RIMS2: variants seen among roughly 807,000 people sequenced by gnomAD.
RIMS2 encodes regulating synaptic membrane exocytosis protein 2.
RIMS2 carries 59 observed loss-of-function variants against 174.4 expected under a neutral mutation model. The observed-to-expected ratio is 0.34, with a 90% CI of 0.27 to 0.42. The LOEUF is 0.42. Ranked by LOEUF, RIMS2 falls within the 10% of genes least tolerant of loss-of-function variation. The pLI, the probability that RIMS2 is intolerant of heterozygous loss-of-function variation, is 1.00. For missense variants in RIMS2, 1,620 were observed against 1,666.3 expected (o/e 0.97, Z 0.48); for synonymous variants, 606 against 572.5 (o/e 1.06, Z -0.84).
chr8:103,699,480 TTGGCTTCCCAAAG>T (rs1241167738), intron 2 of RIMS2, among the ~76,000 whole-genome samples: 1 of 152,212 alleles, frequency 6.6e-6, no homozygotes, highest in African/African-American at 2.4e-5. Context: ...TTCTCCCACC[TTGGCTTCCCAAAG>T]TGCTGGGACT....
chr8:104,237,457 T>A (rs1338996103), intron 19 of RIMS2, among the ~76,000 whole-genome samples: 1 of 152,140 alleles, frequency 6.6e-6, no homozygotes, highest in Non-Finnish European at 1.5e-5. Context: ...CTAAATCTTC[T>A]GCCTTGAAGT....
intron 19 of RIMS2, among the ~76,000 whole-genome samples, chr8:104,076,477 G>A (rs2097294389): frequency 6.6e-6 from 1 of 152,118 alleles, no homozygotes; most frequent in African/African-American, 2.4e-5. Context: ...GAGAGAAGGA[G>A]CCATTGGAAG....
intron 3 of RIMS2, among the ~76,000 whole-genome samples, chr8:103,801,151 A>G (rs2098605062): frequency 6.6e-6 from 1 of 151,562 alleles, no homozygotes; most frequent in Admixed American, 6.6e-5. Flanking sequence ...CACTCGGCTA[A>G]TTTTTTTTGT....
At chr8:103,610,173 A>G (rs114036255) in intron 1 of RIMS2, among the ~76,000 whole-genome samples, 4,717 of 152,144 alleles carry the variant, frequency 0.031, 219 homozygotes, top group African/African-American at 0.1. Flanking sequence ...GTTTTTGTAC[A>G]TTGATTTTGT....
intron 19 of RIMS2, among the ~76,000 whole-genome samples, chr8:104,063,879 G>GTC (rs568836737): frequency 6.6e-4 from 101 of 152,168 alleles, no homozygotes; most frequent in Non-Finnish European, 1.3e-3. Context: ...TGCTCTTTCA[G>GTC]TCTCTCTCTC....
At chr8:103,668,201 TC>T (rs2096698638) in intron 1 of RIMS2, among the ~76,000 whole-genome samples, 1 of 152,226 alleles carries the variant, frequency 6.6e-6, no homozygotes, top group Non-Finnish European at 1.5e-5. Context: ...CTGATTGTTA[TC>T]AATCTGCAAT....
intron 19 of RIMS2, among the ~76,000 whole-genome samples, chr8:104,188,236 TAGA>T (rs2098979058): frequency 7.2e-6 from 1 of 138,124 alleles, no homozygotes; most frequent in African/African-American, 2.8e-5. Context: ...GATAGATAGA[TAGA>T]TAGATAGATA....
intron 1 of RIMS2, among the ~76,000 whole-genome samples, chr8:103,507,799 A>T (rs76370225): frequency 0.065 from 9,935 of 152,162 alleles, 397 homozygotes; most frequent in South Asian, 0.087. Context: ...GTGATCCTTT[A>T]AGAGAATTGA....
chr8:103,808,740 G>T (rs1475350856), intron 3 of RIMS2, among the ~76,000 whole-genome samples: 6 of 152,060 alleles, frequency 3.9e-5, no homozygotes, highest in Non-Finnish European at 7.4e-5. Flanking sequence ...AAGTCCTGTT[G>T]ATTCGACTTC....
At chr8:104,155,781 T>C (rs1469159586) in intron 19 of RIMS2, among the ~76,000 whole-genome samples, 1 of 152,150 alleles carries the variant, frequency 6.6e-6, no homozygotes, top group African/African-American at 2.4e-5. Flanking sequence ...ATTCTTGCGA[T>C]GAAACTGTGG....
At chr8:103,865,041 T>G (rs74824329) in intron 3 of RIMS2, among the ~76,000 whole-genome samples, 1 of 151,956 alleles carries the variant, frequency 6.6e-6, no homozygotes, top group Admixed American at 6.6e-5. Flanking sequence ...CCAAACTATT[T>G]CCCTTCATAG....
intron 19 of RIMS2, among the ~76,000 whole-genome samples, chr8:104,034,462 CTTTT>C (rs200907072): frequency 2.5e-5 from 3 of 118,346 alleles, no homozygotes; most frequent in Admixed American, 9.2e-5. Flanking sequence ...CTTGCAGTAT[CTTTT>C]TTTTTTTTTT....
rs542037196 is a variant in RIMS2 at position 103,936,591 on chromosome 8, T to G, written c.2416T>G (p.Leu806Val). The G allele has an allele frequency of 1.2e-6, 2 of 1,600,730 alleles. No homozygotes were observed. Among genetic ancestry groups the G allele is most frequent in the Admixed American group, 1.7e-5 (1 of 57,812 alleles). ...AAGAACTAAAACAGTAAAGAAAACATTGGAACCCAAATGGAACCAAACATT... is the reference window on the plus strand; with the variant it reads ...AAGAACTAAAACAGTAAAGAAAACAGTGGAACCCAAATGGAACCAAACATT... The change falls in exon 13 of 24, where the codon TTG (leucine) becomes GTG (valine). Residue 806 changes from leucine (L) to valine (V), a missense_variant. This residue lies in a region of RIMS2 where 1,395 missense variants were observed against 1,360.1 expected (regional missense o/e 1.03). Transcript: ENST00000504942.
chr8:104,188,264 T>C (rs1215064725), intron 19 of RIMS2, among the ~76,000 whole-genome samples: 1 of 145,044 alleles, frequency 6.9e-6, no homozygotes, highest in African/African-American at 2.6e-5. Context: ...GATAGATAGA[T>C]AGATAGATGG....
At chr8:103,827,664 G>A (rs536920676) in intron 3 of RIMS2, among the ~76,000 whole-genome samples, 1 of 152,228 alleles carries the variant, frequency 6.6e-6, no homozygotes, top group East Asian at 1.9e-4. Flanking sequence ...GTGAAACTCT[G>A]TTTCTACTAA....
At chr8:103,757,248 T>A (rs2098033165) in intron 2 of RIMS2, among the ~76,000 whole-genome samples, 1 of 152,202 alleles carries the variant, frequency 6.6e-6, no homozygotes, top group Non-Finnish European at 1.5e-5. Flanking sequence ...ATATTTAGTT[T>A]GCTGCATTTT....
At chr8:104,157,462 A>C (rs950846105) in intron 19 of RIMS2, among the ~76,000 whole-genome samples, 1 of 152,184 alleles carries the variant, frequency 6.6e-6, no homozygotes, top group Non-Finnish European at 1.5e-5. Flanking sequence ...AAATATGTTC[A>C]TTATGTTGTG....
At chr8:104,093,297 A>G (rs1167082471) in intron 19 of RIMS2, among the ~76,000 whole-genome samples, 174 bp from the exon 24 acceptor site, 1 of 152,080 alleles carries the variant, frequency 6.6e-6, no homozygotes, top group African/African-American at 2.4e-5. Context: ...GGTTTCATAT[A>G]AATTGAATTT....
intron 3 of RIMS2, among the ~76,000 whole-genome samples, chr8:103,881,167 A>T (rs2099165602): frequency 6.6e-6 from 1 of 151,508 alleles, no homozygotes; most frequent in South Asian, 2.1e-4. Context: ...TGAATTTACA[A>T]AAATTAGTAA....
Sources: allele counts gnomAD v4.1 joint callset (sites outside exome capture counted in the v4.1 genomes callset), GRCh38; gene constraint gnomAD v4.1.1; regional missense constraint gnomAD v4.1.1; transcripts MANE v1.5; gene names NCBI Gene and HGNC (gene_info 2026-07-23, HGNC 2026-07-21).